The following MYT1L variants were observed in gnomAD, a reference collection of about 807,000 sequenced individuals.
MYT1L encodes myelin transcription factor 1 like.
A neutral mutation model predicts 126.7 loss-of-function variants in MYT1L; 12 were observed. The observed-to-expected ratio is 0.09, with a 90% CI of 0.06 to 0.15. MYT1L has a LOEUF of 0.15. Among genes scored for constraint, MYT1L ranks in the 10% least tolerant of loss-of-function variants. The probability of loss-of-function intolerance (pLI) is 1.00; values close to 1 mark genes in which losing one functional copy is unlikely to be tolerated. For synonymous variants in MYT1L, 541 were observed against 604.2 expected, an observed-to-expected ratio of 0.90 and a Z score of 1.53; for missense variants, 979 against 1,585.2, an observed-to-expected ratio of 0.62 and a Z score of 6.49.
At chr2:2,262,459 G>A (rs970789762) in intron 2 of MYT1L, among the ~76,000 whole-genome samples, 7 of 151,980 alleles carry the variant, frequency 4.6e-5, no homozygotes, top group African/African-American at 7.2e-5. Flanking sequence ...TTGGGAGGCC[G>A]AGGCAGGCGG....
At chr2:2,041,415 C>T (rs2067519685) in intron 4 of MYT1L, among the ~76,000 whole-genome samples, 1 of 152,196 alleles carries the variant, frequency 6.6e-6, no homozygotes, top group Non-Finnish European at 1.5e-5. Context: ...TCTTGGTCTA[C>T]TCAGAGTAGC....
chr2:1,911,599 C>T (rs934403675), intron 12 of MYT1L, among the ~76,000 whole-genome samples: 8 of 152,110 alleles, frequency 5.3e-5, no homozygotes, highest in Admixed American at 1.3e-4. Context: ...TTTCTGAAGA[C>T]GTCCATACTT....
rs192332343 is a variant in MYT1L, at chr2:1,886,461, C to A, written c.2711+78G>T. ...GTTTTTTAACAGACATTTTTCTTTGCAAATGACATATCATTTTTTTTTGTG... is the reference window on the plus strand; with the variant it reads ...GTTTTTTAACAGACATTTTTCTTTGAAAATGACATATCATTTTTTTTTGTG... On this transcript the variant is annotated intron_variant, in intron 18 of 24. Coordinates refer to ENST00000647738, the MANE Select transcript of MYT1L (RefSeq NM_001303052.2). 22 of 1,083,416 alleles carry A rather than the reference C, an allele frequency of 2.0e-5. No homozygotes were observed. In the East Asian group the frequency reaches 5.7e-4, roughly 28 times the overall value. 67.1% of individuals were successfully genotyped at this position (1,083,416 alleles called of 1,614,324 possible).
intron 14 of MYT1L, among the ~76,000 whole-genome samples, chr2:1,896,985 C>G (rs1047766144): frequency 1.3e-5 from 2 of 152,146 alleles, no homozygotes; most frequent in African/African-American, 4.8e-5. Context: ...TAAGATGCTA[C>G]AACTAGATGA....
intron 1 of MYT1L, among the ~76,000 whole-genome samples, chr2:2,322,846 T>A (rs1418327542): frequency 1.3e-5 from 2 of 152,210 alleles, no homozygotes; most frequent in East Asian, 3.8e-4. Context: ...GAACTATGAC[T>A]TTATGACTTT....
chr2:2,314,516 A>G (rs2096030693), intron 1 of MYT1L, among the ~76,000 whole-genome samples: 1 of 152,224 alleles, frequency 6.6e-6, no homozygotes, highest in South Asian at 2.1e-4. Flanking sequence ...ACTGGCCCTG[A>G]CAAATGGCTT....
chr2:2,188,523 C>G (rs1312433234), intron 2 of MYT1L, among the ~76,000 whole-genome samples: 1 of 152,156 alleles, frequency 6.6e-6, no homozygotes, highest in Non-Finnish European at 1.5e-5. Flanking sequence ...ATTTCCTAAT[C>G]TATTTAAAAT....
intron 9 of MYT1L, among the ~76,000 whole-genome samples, chr2:1,932,038 G>A (rs1558443179): frequency 6.6e-6 from 1 of 152,106 alleles, no homozygotes; most frequent in African/African-American, 2.4e-5. Flanking sequence ...CTTGACGACC[G>A]AAAGGAAGCA....
chr2:2,313,683 T>A (rs931245178), intron 1 of MYT1L, among the ~76,000 whole-genome samples: 1 of 152,164 alleles, frequency 6.6e-6, no homozygotes, highest in Non-Finnish European at 1.5e-5. Flanking sequence ...CATATAATAC[T>A]GTCTTGGTCT....
intron 2 of MYT1L, among the ~76,000 whole-genome samples, chr2:2,223,205 C>T (rs573666628): frequency 4.6e-5 from 7 of 152,096 alleles, no homozygotes; most frequent in African/African-American, 1.7e-4. Flanking sequence ...TCAAATCAGA[C>T]CTGGTTAACT....
intron 5 of MYT1L, among the ~76,000 whole-genome samples, chr2:1,995,191 T>A (rs2061730557): frequency 6.6e-6 from 1 of 152,202 alleles, no homozygotes; most frequent in African/African-American, 2.4e-5. Flanking sequence ...CACGAACTAT[T>A]CCACAGGAAT....
intron 2 of MYT1L, among the ~76,000 whole-genome samples, chr2:2,187,352 G>A (rs2092284878): frequency 6.6e-6 from 1 of 151,978 alleles, no homozygotes; most frequent in Non-Finnish European, 1.5e-5. Context: ...AGGTGAGAGC[G>A]AGAACCCACA....
At chr2:2,000,610 C>T (rs112944864) in intron 4 of MYT1L, among the ~76,000 whole-genome samples, 1 of 152,076 alleles carries the variant, frequency 6.6e-6, no homozygotes, top group Non-Finnish European at 1.5e-5. Flanking sequence ...ATACAGCCGA[C>T]TCCACATGAC....
chr2:2,217,696 ACAACAAC>A lies in MYT1L; in HGVS notation c.-420-44715_-420-44709del, dbSNP rs1270410809. On this transcript the variant is annotated intron_variant, in intron 2 of 24. Coordinates refer to ENST00000647738, the MANE Select transcript of MYT1L (RefSeq NM_001303052.2). ...AACAACAACAACAACAACAACAACAACAACAACAACAAAAAAAAAAAAAGAAAGAAGG... is the reference window on the plus strand; with the variant it reads ...AACAACAACAACAACAACAACAACAAAACAAAAAAAAAAAAAGAAAGAAGG... 2.5e-3 allele frequency among the ~76,000 whole-genome samples: 250 copies of A among 98,840 alleles called. 8 individuals are homozygous for A. Among genetic ancestry groups the A allele is most frequent in the African/African-American group, 9.7e-3 (207 of 21,408 alleles). The allele number at this position is 98,840 out of a possible 152,430, so 64.8% of individuals were successfully genotyped here. A position where few individuals can be genotyped will look rare whatever the true frequency, so the allele number is the denominator to read the frequency against.
At chr2:1,977,787 T>C (rs2149482131) in intron 8 of MYT1L, among the ~76,000 whole-genome samples, 1 of 152,322 alleles carries the variant, frequency 6.6e-6, no homozygotes, top group South Asian at 2.1e-4. Context: ...AAAATGAATT[T>C]TTCTCATGGG....
rs922989387 is a variant in MYT1L, at chr2:2,004,007, C to A, written c.-157-6660G>T. Among the ~76,000 whole-genome samples the A allele has an allele frequency of 3.5e-3, 458 of 130,398 alleles. 7 individuals carry two copies. Among genetic ancestry groups the A allele is most frequent in the South Asian group, 0.016 (69 of 4,320 alleles). 85.5% of individuals were successfully genotyped at this position (130,398 alleles called of 152,430 possible). Reference sequence around the variant, plus strand: ...CCTGCAAGCGTTCTTTCCTGCATGCCTTCTTTCCTGCATGCCTTCTTTCCT... The same window carrying A: ...CCTGCAAGCGTTCTTTCCTGCATGCATTCTTTCCTGCATGCCTTCTTTCCT... On this transcript the variant is annotated intron_variant, in intron 4 of 24. Transcript: ENST00000647738.
Position 1,886,547 on chromosome 2 carries a change from T to C in MYT1L, c.2703A>G (p.Gln901=), listed in dbSNP as rs2048194248. The change falls in exon 18 of 25, where the codon CAA becomes CAG. Residue 901 remains glutamine (Q), a synonymous_variant. Transcript: ENST00000647738. ...TTGTCATTAAATCTTACTTGAGTTC[T>C]TGGGAGCTGGTGGCCAGCATACTTC... ...SIRSMLATSS[Q]ELKCPTPGCD... is the part of the protein sequence containing the mutation. The C allele has an allele frequency of 6.3e-7, 1 of 1,577,880 alleles. No individual in the cohort carries two copies. Among genetic ancestry groups the C allele is most frequent in the Non-Finnish European group, 8.6e-7 (1 of 1,162,536 alleles).
intron 14 of MYT1L, among the ~76,000 whole-genome samples, chr2:1,894,553 T>C (rs1272207423): frequency 6.6e-6 from 1 of 151,276 alleles, no homozygotes; most frequent in Non-Finnish European, 1.5e-5. Context: ...TAATATGGGG[T>C]TTTGTTTTTA....
At chr2:2,158,703 T>TAC (rs34075925) in intron 3 of MYT1L, among the ~76,000 whole-genome samples, 8,498 of 144,384 alleles carry the variant, frequency 0.059, 396 homozygotes, top group East Asian at 0.19. Flanking sequence ...AACATTCAAG[T>TAC]ACACACACAC....
Sources: allele counts gnomAD v4.1 joint callset (sites outside exome capture counted in the v4.1 genomes callset), GRCh38; gene constraint gnomAD v4.1.1; transcripts MANE v1.5; gene names NCBI Gene and HGNC (gene_info 2026-07-23, HGNC 2026-07-21).